SAMM50: variants seen among roughly 807,000 people sequenced by gnomAD.
The protein encoded by SAMM50 is SAMM50 sorting and assembly machinery component, also known as sorting and assembly machinery component 50 homolog.
In SAMM50, 47 loss-of-function variants were observed where a neutral mutation model predicts 66.9. The observed-to-expected ratio is 0.70, with a 90% CI of 0.56 to 0.90. SAMM50 has a LOEUF of 0.90. Ranked by LOEUF, SAMM50 falls within the 40% of genes least tolerant of loss-of-function variation. The pLI, the probability that SAMM50 is intolerant of heterozygous loss-of-function variation, is 0.00. For missense variants in SAMM50, 535 were observed against 595.3 expected, an observed-to-expected ratio of 0.90 and a Z score of 1.05; for synonymous variants, 191 against 214.1, an observed-to-expected ratio of 0.89 and a Z score of 0.94.
intron 9 of SAMM50, among the ~76,000 whole-genome samples, chr22:43,977,070 T>C (rs2050236445): frequency 1.3e-5 from 2 of 152,128 alleles, no homozygotes; most frequent in Admixed American, 6.5e-5. Flanking sequence ...GTGGCATCCT[T>C]GATGAGGGCC....
intron 1 of SAMM50, among the ~76,000 whole-genome samples, chr22:43,956,425 C>G (rs1484185545): frequency 6.6e-6 from 1 of 152,246 alleles, no homozygotes; most frequent in Non-Finnish European, 1.5e-5. Context: ...GAAGTCGCAG[C>G]CTGACATCGA....
At chr22:43,992,729 G>A (rs571617444) in intron 14 of SAMM50, among the ~76,000 whole-genome samples, 137 of 152,342 alleles carry the variant, frequency 9.0e-4, no homozygotes, top group African/African-American at 3.2e-3. Flanking sequence ...AGCCCTTGGC[G>A]CACCGCCTGG....
intron 10 of SAMM50, among the ~76,000 whole-genome samples, chr22:43,979,809 CTT>C (rs900598738): frequency 8.6e-5 from 13 of 152,036 alleles, no homozygotes; most frequent in Non-Finnish European, 1.8e-4. Context: ...TGTGGAAATA[CTT>C]TTTGTTTCCC....
intron 7 of SAMM50, among the ~76,000 whole-genome samples, chr22:43,974,079 T>G (rs1364159542): frequency 6.6e-6 from 1 of 152,182 alleles, no homozygotes; most frequent in Non-Finnish European, 1.5e-5. Context: ...TGTTCTGGGC[T>G]TTAGTTCTTG....
At chr22:43,977,467 G>C (rs539848710) in intron 9 of SAMM50, among the ~76,000 whole-genome samples, 1 of 152,228 alleles carries the variant, frequency 6.6e-6, no homozygotes, top group Non-Finnish European at 1.5e-5. Context: ...GCAAAAGCCC[G>C]GGGGTGCCTG....
intron 14 of SAMM50, among the ~76,000 whole-genome samples, chr22:43,993,998 A>G (rs1375119739): frequency 2.6e-5 from 4 of 152,228 alleles, no homozygotes; most frequent in Non-Finnish European, 5.9e-5. Flanking sequence ...CTGGAGACAC[A>G]GGGCTGAATC....
Position 43,972,294 on chromosome 22 carries a change from A to G in SAMM50, c.381A>G (p.Arg127=), listed in dbSNP as rs750534246. 1.2e-6 allele frequency: 2 copies of G among 1,607,354 alleles called. No individual in the cohort carries two copies. The highest frequency in any genetic ancestry group is 1.7e-5 in the Admixed American group (1 of 57,844). Residue 127 remains arginine (R), a synonymous_variant, in exon 5 of 15, where the codon AGA becomes AGG. Coordinates refer to ENST00000350028, the MANE Select transcript of SAMM50 (RefSeq NM_015380.5). ...DVTFEVTELR[R]LTGSYNTMVG... ...CCTTTGAAGTAACTGAATTGAGGAG[A>G]TTAACGGGCAGTTATAACACCATGG...
intron 13 of SAMM50, 115 bp downstream of exon 13, chr22:43,989,372 C>T: frequency 2.8e-6 from 3 of 1,086,450 alleles, no homozygotes; most frequent in East Asian, 2.7e-5. Flanking sequence ...GAGTCTCGCT[C>T]TATTGCCAGG....
At chr22:43,967,917 C>G (rs1466857950) in intron 3 of SAMM50, among the ~76,000 whole-genome samples, 1 of 152,142 alleles carries the variant, frequency 6.6e-6, no homozygotes, top group Non-Finnish European at 1.5e-5. Context: ...ACATTTCTAA[C>G]AGTGGTTAGA....
chr22:43,993,158 G>C (rs2050334224), intron 14 of SAMM50, among the ~76,000 whole-genome samples: 1 of 152,200 alleles, frequency 6.6e-6, no homozygotes, highest in African/African-American at 2.4e-5. Flanking sequence ...AGCTTAAGTG[G>C]GTGGTTTTGA....
chr22:43,961,771 C>G (rs1056218742), intron 1 of SAMM50, among the ~76,000 whole-genome samples: 1 of 151,914 alleles, frequency 6.6e-6, no homozygotes, highest in African/African-American at 2.4e-5. Flanking sequence ...AAAATAGAGA[C>G]GAGACTTCAT....
intron 1 of SAMM50, among the ~76,000 whole-genome samples, chr22:43,959,109 C>A (rs2050135449): frequency 6.6e-6 from 1 of 150,586 alleles, no homozygotes; most frequent in Non-Finnish European, 1.5e-5. Flanking sequence ...ACTTCTGCCT[C>A]CTGGGTTCAA....
At chr22:43,965,651 C>T (rs1182058334) in intron 3 of SAMM50, among the ~76,000 whole-genome samples, 3 of 152,122 alleles carry the variant, frequency 2.0e-5, no homozygotes, top group Admixed American at 1.3e-4. Flanking sequence ...CCAGAGGTAA[C>T]GTGGCTGACA....
chr22:43,959,271 A>C (rs1171477687), intron 1 of SAMM50, among the ~76,000 whole-genome samples: 1 of 151,794 alleles, frequency 6.6e-6, no homozygotes, highest in Non-Finnish European at 1.5e-5. Context: ...TGCCTGCCTC[A>C]GCCTCCTGAA....
intron 7 of SAMM50, among the ~76,000 whole-genome samples, chr22:43,973,804 G>A (rs772445840): frequency 1.1e-4 from 16 of 152,014 alleles, no homozygotes; most frequent in East Asian, 1.9e-4. Context: ...TAGAGATGGC[G>A]GTTTCCTTAT....
intron 13 of SAMM50, 68 bp downstream of exon 13, chr22:43,989,325 A>C: frequency 2.0e-6 from 3 of 1,493,996 alleles, no homozygotes; most frequent in South Asian, 2.5e-5. Flanking sequence ...CACAGTACAC[A>C]AAGAGGTGTC....
At chr22:43,960,960 G>A (rs774550352) in intron 1 of SAMM50, among the ~76,000 whole-genome samples, 2 of 152,190 alleles carry the variant, frequency 1.3e-5, no homozygotes, top group African/African-American at 2.4e-5. Context: ...GATGGAAACT[G>A]GAGTAGCAGA....
intron 1 of SAMM50, among the ~76,000 whole-genome samples, chr22:43,958,476 CTTTTTTT>C (rs3083316): frequency 1.8e-5 from 2 of 112,586 alleles, no homozygotes; most frequent in African/African-American, 3.5e-5. Flanking sequence ...TTATGGAGCT[CTTTTTTT>C]TTTTTTTTTT....
intron 14 of SAMM50, among the ~76,000 whole-genome samples, chr22:43,992,181 T>G (rs1255558600): frequency 6.6e-6 from 1 of 152,232 alleles, no homozygotes; most frequent in African/African-American, 2.4e-5. Context: ...TCATTTTTAC[T>G]CTCTCCGTCT....
Sources: allele counts gnomAD v4.1 joint callset (sites outside exome capture counted in the v4.1 genomes callset), GRCh38; gene constraint gnomAD v4.1.1; transcripts MANE v1.5; gene names NCBI Gene and HGNC (gene_info 2026-07-23, HGNC 2026-07-21).